PCDH11X: variants seen among roughly 807,000 people sequenced by gnomAD.
PCDH11X encodes the protein protocadherin-11 X-linked.
Under a neutral mutation model 53.3 loss-of-function variants are expected in PCDH11X, and 18 were observed. The ratio of observed to expected loss-of-function variants is 0.34; its 90% CI spans 0.23 to 0.50. The LOEUF is 0.50. PCDH11X is among the 20% of genes least tolerant of loss of function. PCDH11X has a pLI of 0.98. For missense variants in PCDH11X, 570 were observed against 1,032.4 expected (o/e 0.55, Z 6.14); for synonymous variants, 279 against 393.3 (o/e 0.71, Z 3.44).
chrX:92,118,343 A>T (rs1181498393), intron 6 of PCDH11X, among the ~76,000 whole-genome samples: 1 of 108,482 alleles, frequency 9.2e-6, no homozygotes, highest in African/African-American at 3.4e-5. Context: ...ACATGTAACT[A>T]AACGAGACCC....
At chrX:91,826,255 C>T (rs1055765381) in intron 4 of PCDH11X, among the ~76,000 whole-genome samples, 19 of 110,472 alleles carry the variant, frequency 1.7e-4, no homozygotes, top group Admixed American at 4.8e-4. Context: ...TATACAAACA[C>T]TATCATTTAT....
intron 6 of PCDH11X, among the ~76,000 whole-genome samples, chrX:91,900,434 G>C (rs1940912184): frequency 9.1e-6 from 1 of 109,594 alleles, no homozygotes; most frequent in African/African-American, 3.3e-5. Flanking sequence ...TCCACCACTT[G>C]ATTCCTGGAC....
chrX:91,787,473 T>C (rs1301130920), intron 1 of PCDH11X, among the ~76,000 whole-genome samples: 1 of 110,563 alleles, frequency 9.0e-6, no homozygotes, highest in Non-Finnish European at 1.9e-5. Context: ...GAACACAAGG[T>C]CTTTTATGAT....
At chrX:91,927,012 C>T (rs1047029090) in intron 6 of PCDH11X, among the ~76,000 whole-genome samples, 5 of 111,344 alleles carry the variant, frequency 4.5e-5, no homozygotes, top group Non-Finnish European at 7.6e-5. Flanking sequence ...CTCTCTACTT[C>T]TATGAGATCA....
chrX:92,245,472 C>A (rs1466140864), intron 7 of PCDH11X, among the ~76,000 whole-genome samples: 1 of 112,335 alleles, frequency 8.9e-6, no homozygotes, highest in Non-Finnish European at 1.9e-5. Flanking sequence ...AAAAAGTTGC[C>A]AGACTATTTT....
At chrX:92,120,785 T>A (rs1162298930) in intron 6 of PCDH11X, among the ~76,000 whole-genome samples, 1 of 111,931 alleles carries the variant, frequency 8.9e-6, no homozygotes, top group Non-Finnish European at 1.9e-5. Context: ...TTGAACATGT[T>A]TAGTCTTCTC....
At chrX:91,973,926 C>T (rs1406941514) in intron 6 of PCDH11X, among the ~76,000 whole-genome samples, 2 of 110,793 alleles carry the variant, frequency 1.8e-5, no homozygotes, top group East Asian at 5.7e-4. Context: ...ACAACTTTTA[C>T]TTGTCAATTA....
chrX:92,518,788 G>A (rs1411900382), intron 10 of PCDH11X, among the ~76,000 whole-genome samples: 4 of 81,396 alleles, frequency 4.9e-5, no homozygotes, highest in East Asian at 3.9e-4. Flanking sequence ...ACGGAGTCTC[G>A]CTCTGTCGCC....
rs2063368741 is a variant in PCDH11X, at chrX:92,051,656, T to C, written c.3034-149719T>C. On this transcript the variant is annotated intron_variant, in intron 6 of 10. Transcript: ENST00000682573. ...AGTGTATAGAGTTTCATCACTAAGATTGTATGATATTGGTCTCAATATATC... is the reference window on the plus strand; with the variant it reads ...AGTGTATAGAGTTTCATCACTAAGACTGTATGATATTGGTCTCAATATATC... Among the ~76,000 whole-genome samples the C allele has an allele frequency of 5.4e-5, 6 of 111,647 alleles. No homozygotes were observed. The South Asian group carries it at 2.2e-3, about 42-fold the overall frequency.
At chrX:92,077,045 T>G (rs1461762605) in intron 6 of PCDH11X, among the ~76,000 whole-genome samples, 1 of 111,848 alleles carries the variant, frequency 8.9e-6, no homozygotes, top group Non-Finnish European at 1.9e-5. Context: ...TAATACATCT[T>G]TTTATACACA....
At chrX:92,611,953 A>G (rs1347316832) in intron 10 of PCDH11X, among the ~76,000 whole-genome samples, 2 of 103,453 alleles carry the variant, frequency 1.9e-5, no homozygotes, top group Non-Finnish European at 4.0e-5. Flanking sequence ...CTTCACGGTC[A>G]ATTAATTTTT....
chrX:91,789,224 G>GAAAAGA (rs1427624135), intron 1 of PCDH11X, among the ~76,000 whole-genome samples: 1 of 87,736 alleles, frequency 1.1e-5, no homozygotes, highest in African/African-American at 4.1e-5. Flanking sequence ...AAAAAAAAAA[G>GAAAAGA]AAAAGAAAAA....
rs1243781203 is a variant in PCDH11X, at chrX:91,791,758, CAGAT to C, written c.-379+12077_-379+12080del. Among the ~76,000 whole-genome samples, 725 of 94,795 alleles carry C rather than the reference CAGAT, an allele frequency of 7.6e-3. 13 individuals carry two copies. Among genetic ancestry groups the C allele is most frequent in the African/African-American group, 0.029 (687 of 23,847 alleles). 82.3% of individuals were successfully genotyped at this position (94,795 alleles called of 115,157 possible). ...AATATAAGAATCAAGACAAAATAAA[CAGAT>C]AGCAAAACATCTTCATACTCTATTA... On this transcript the variant is annotated intron_variant, in intron 1 of 10. Transcript: ENST00000682573.
rs201415382 is a variant in PCDH11X at position 92,592,100 on chromosome X, G to T, written c.3368-26164G>T. Among the ~76,000 whole-genome samples, 182 of 88,405 alleles carry T rather than the reference G, an allele frequency of 2.1e-3. 1 individual carries two copies. Among genetic ancestry groups the T allele is most frequent in the African/African-American group, 7.2e-3 (170 of 23,683 alleles). 76.8% of individuals were successfully genotyped at this position (88,405 alleles called of 115,157 possible). On this transcript the variant is annotated intron_variant, in intron 10 of 10. Transcript: ENST00000682573. ...TAAAATCCTTTGCAAGCTTGAAAAT[G>T]TTCAAGACTCCCTCAGGGAAGAATA...
At chrX:92,567,458 C>T (rs964700501) in intron 10 of PCDH11X, among the ~76,000 whole-genome samples, 2 of 98,936 alleles carry the variant, frequency 2.0e-5, no homozygotes, top group Non-Finnish European at 4.1e-5. Flanking sequence ...GGAATGCTAG[C>T]GACTTTTGTA....
At chrX:92,136,028 A>ATTGGT (rs1216271960) in intron 6 of PCDH11X, among the ~76,000 whole-genome samples, 1 of 111,525 alleles carries the variant, frequency 9.0e-6, no homozygotes, top group Non-Finnish European at 1.9e-5. Context: ...TCAGTCAATA[A>ATTGGT]TTGGTTTTCA....
Position 92,459,619 on chromosome X carries a change from C to A in PCDH11X, c.3344-8680C>A, listed in dbSNP as rs2072987863. The A allele has an allele frequency of 5.1e-5, 28 of 544,084 alleles. No homozygotes were observed. The South Asian group carries it at 7.4e-4, about 14-fold the overall frequency. 44.8% of individuals were successfully genotyped at this position (544,084 alleles called of 1,213,427 possible). A position where few individuals can be genotyped will look rare whatever the true frequency, so the allele number is the denominator to read the frequency against. On this transcript the variant is annotated intron_variant, in intron 9 of 10. Coordinates refer to ENST00000682573, the MANE Select transcript of PCDH11X (RefSeq NM_032968.5). ...AAAGATTTCTACAATGGGCCACCAT[C>A]GTCGGCAAAGCCTGAGTCCTGTCCT... is the stretch of plus-strand genomic sequence containing the variant.
intron 6 of PCDH11X, among the ~76,000 whole-genome samples, chrX:92,029,717 A>G (rs143275908): frequency 0.082 from 9,023 of 110,707 alleles, 395 homozygotes; most frequent in East Asian, 0.29. Flanking sequence ...ATTGTTTTGA[A>G]CATTAGGTAG....
intron 1 of PCDH11X, among the ~76,000 whole-genome samples, chrX:91,796,176 T>C (rs1404311560): frequency 8.9e-6 from 1 of 111,851 alleles, no homozygotes; most frequent in Non-Finnish European, 1.9e-5. Flanking sequence ...GAATGAAAAT[T>C]TATCTTACAT....
Sources: allele counts gnomAD v4.1 joint callset (sites outside exome capture counted in the v4.1 genomes callset), GRCh38; gene constraint gnomAD v4.1.1; transcripts MANE v1.5; gene names NCBI Gene and HGNC (gene_info 2026-07-23, HGNC 2026-07-21).